The following NCAM2 variants were observed in gnomAD, a reference collection of about 807,000 sequenced individuals.
The protein encoded by NCAM2 is neural cell adhesion molecule 2, also known as N-CAM-2.
A neutral mutation model predicts 98.1 loss-of-function variants in NCAM2; 30 were observed. The observed-to-expected ratio is 0.31, with a 90% confidence interval of 0.23 to 0.41. The LOEUF (loss-of-function observed/expected upper bound fraction) is 0.41. Ranked by LOEUF, NCAM2 falls within the 10% of genes least tolerant of loss-of-function variation. The pLI is 1.00. For synonymous variants in NCAM2, 368 were observed against 342.4 expected (o/e 1.07, Z -0.83); for missense variants, 867 against 1,005.8 (o/e 0.86, Z 1.87).
intron 4 of NCAM2, among the ~76,000 whole-genome samples, chr21:21,291,427 ACAAT>A (rs1337077013): frequency 6.6e-6 from 1 of 151,650 alleles, no homozygotes; most frequent in Non-Finnish European, 1.5e-5. Flanking sequence ...ATTACTTTAC[ACAAT>A]CAGTGAATGC....
intron 5 of NCAM2, among the ~76,000 whole-genome samples, chr21:21,315,786 A>G (rs1336866826): frequency 2.0e-5 from 3 of 152,172 alleles, no homozygotes; most frequent in Non-Finnish European, 4.4e-5. Flanking sequence ...ATTCTGTTAT[A>G]TTTCTTAATA....
chr21:21,347,669 T>A (rs138399400), intron 8 of NCAM2, among the ~76,000 whole-genome samples: 1 of 151,970 alleles, frequency 6.6e-6, no homozygotes, highest in Admixed American at 6.6e-5. Context: ...CAGTATTACT[T>A]TGATACCTAA....
At chr21:21,299,515 T>C (rs537005969) in intron 5 of NCAM2, among the ~76,000 whole-genome samples, 7 of 151,986 alleles carry the variant, frequency 4.6e-5, no homozygotes, top group African/African-American at 1.7e-4. Context: ...GCAGATATGC[T>C]TAATTTCTCT....
At chr21:21,436,206 G>A (rs937393092) in intron 12 of NCAM2, among the ~76,000 whole-genome samples, 1 of 152,184 alleles carries the variant, frequency 6.6e-6, no homozygotes, top group Non-Finnish European at 1.5e-5. Flanking sequence ...AGTTTTGACT[G>A]AAACGTTCTA....
At chr21:21,001,000 A>T (rs2064010549) in intron 1 of NCAM2, among the ~76,000 whole-genome samples, 1 of 152,186 alleles carries the variant, frequency 6.6e-6, no homozygotes, top group Non-Finnish European at 1.5e-5. Context: ...GAAATACTAA[A>T]ATCTCAGCTT....
At chr21:21,124,136 C>T (rs528996445) in intron 1 of NCAM2, among the ~76,000 whole-genome samples, 3 of 151,956 alleles carry the variant, frequency 2.0e-5, no homozygotes, top group Non-Finnish European at 4.4e-5. Context: ...CGTGAGCCAC[C>T]GCGCCCGTCC....
chr21:21,405,821 T>C lies in NCAM2; in HGVS notation c.1196-4453T>C, dbSNP rs232454. ...TTATTAATTCAAAATGGAAGGCATT[T>C]TAACATTTCTAAACTACAATCTAGG... On this transcript the variant is annotated intron_variant, in intron 9 of 17. Transcript: ENST00000400546. 6.8e-3 allele frequency among the ~76,000 whole-genome samples: 1,040 copies of C among 152,292 alleles called. 13 individuals are homozygous for C. Among genetic ancestry groups the C allele is most frequent in the African/African-American group, 0.023 (965 of 41,578 alleles).
intron 1 of NCAM2, among the ~76,000 whole-genome samples, chr21:21,034,134 T>C (rs1420533925): frequency 6.6e-6 from 1 of 152,082 alleles, no homozygotes; most frequent in Non-Finnish European, 1.5e-5. Flanking sequence ...AATCTCCTAG[T>C]CCTGAGAATA....
At chr21:21,399,617 T>G (rs551389765) in intron 9 of NCAM2, among the ~76,000 whole-genome samples, 253 of 152,298 alleles carry the variant, frequency 1.7e-3, no homozygotes, top group African/African-American at 5.7e-3. Flanking sequence ...GCCTTTTCAA[T>G]TTGATTTAGA....
intron 6 of NCAM2, among the ~76,000 whole-genome samples, chr21:21,333,184 T>C (rs2147849455): frequency 6.6e-6 from 1 of 152,254 alleles, no homozygotes; most frequent in East Asian, 1.9e-4. Flanking sequence ...AGGTATTTAT[T>C]GGGAGGGAGT....
intron 1 of NCAM2, among the ~76,000 whole-genome samples, chr21:21,104,779 C>A (rs747049377): frequency 6.6e-6 from 1 of 151,956 alleles, no homozygotes; most frequent in South Asian, 2.1e-4. Context: ...GATTGATTTG[C>A]GTGATCAATA....
chr21:21,002,137 T>A (rs1055523875), intron 1 of NCAM2, among the ~76,000 whole-genome samples: 1 of 152,170 alleles, frequency 6.6e-6, no homozygotes, highest in Non-Finnish European at 1.5e-5. Flanking sequence ...AAGGCTAATG[T>A]AAATTAATAT....
intron 16 of NCAM2, among the ~76,000 whole-genome samples, chr21:21,525,611 T>C (rs1034729854): frequency 6.6e-6 from 1 of 152,250 alleles, no homozygotes; most frequent in Non-Finnish European, 1.5e-5. Context: ...ATATCAATTA[T>C]CTACATGTTA....
chr21:21,537,551 T>C (rs1990047216), intron 17 of NCAM2, among the ~76,000 whole-genome samples: 1 of 152,188 alleles, frequency 6.6e-6, no homozygotes, highest in African/African-American at 2.4e-5. Context: ...TGCATCTATA[T>C]CTACAAATAT....
intron 10 of NCAM2, among the ~76,000 whole-genome samples, chr21:21,412,077 T>G (rs1198204328): frequency 2.0e-5 from 3 of 152,126 alleles, no homozygotes; most frequent in Admixed American, 1.3e-4. Flanking sequence ...TTTAATAAAA[T>G]ACTATAGACA....
At chr21:21,067,959 G>A (rs187523497) in intron 1 of NCAM2, among the ~76,000 whole-genome samples, 41 of 151,984 alleles carry the variant, frequency 2.7e-4, no homozygotes, top group African/African-American at 9.4e-4. Flanking sequence ...TTGTCTTCTT[G>A]TCTTCCAAAA....
chr21:21,093,235 T>A (rs994639831), intron 1 of NCAM2, among the ~76,000 whole-genome samples: 1 of 152,052 alleles, frequency 6.6e-6, no homozygotes, highest in African/African-American at 2.4e-5. Context: ...GTCTTTTGTC[T>A]CTTCACCCTT....
At chr21:21,186,144 C>T (rs974481300) in intron 1 of NCAM2, among the ~76,000 whole-genome samples, 1 of 151,972 alleles carries the variant, frequency 6.6e-6, no homozygotes, top group Non-Finnish European at 1.5e-5. Flanking sequence ...AACAAATTAT[C>T]GCTAGTCCCA....
chr21:21,323,678 A>G (rs1439071310), intron 5 of NCAM2, among the ~76,000 whole-genome samples: 3 of 152,222 alleles, frequency 2.0e-5, no homozygotes, highest in Admixed American at 6.5e-5. Flanking sequence ...AATGTGCAGC[A>G]TATACAGTTT....
Sources: gnomAD v4.1 joint callset for allele counts (sites outside exome capture counted in the v4.1 genomes callset) on GRCh38, gnomAD v4.1.1 for gene constraint, MANE v1.5 for transcripts, NCBI Gene and HGNC (gene_info 2026-07-23, HGNC 2026-07-21) for gene names.